KIAA0825: variants seen among roughly 807,000 people sequenced by gnomAD.
KIAA0825 encodes the protein KIAA0825.
A neutral mutation model predicts 147.6 loss-of-function variants in KIAA0825; 119 were observed. The ratio of observed to expected loss-of-function variants is 0.81; its 90% CI spans 0.69 to 0.94. The LOEUF is 0.94. KIAA0825 is among the 40% of genes least tolerant of loss of function. KIAA0825 has a pLI of 0.00. For synonymous variants in KIAA0825, 470 were observed against 518.1 expected (o/e 0.91, Z 1.26); for missense variants, 1,381 against 1,472.7 (o/e 0.94, Z 1.02).
At chr5:94,584,884 T>C (rs899589536) in intron 1 of KIAA0825, among the ~76,000 whole-genome samples, 3 of 152,152 alleles carry the variant, frequency 2.0e-5, no homozygotes, top group African/African-American at 7.2e-5. Flanking sequence ...GGGGCCAAAA[T>C]TCAACATGCT....
intron 5 of KIAA0825, 181 bp downstream of exon 5, chr5:94,520,067 A>G (rs1376583314): frequency 1.8e-6 from 2 of 1,125,902 alleles, no homozygotes; most frequent in African/African-American, 1.6e-5. Context: ...GAAAGAAAAT[A>G]CTTTTATAAC....
chr5:94,457,601 C>T (rs1438444102), intron 12 of KIAA0825, among the ~76,000 whole-genome samples: 2 of 142,770 alleles, frequency 1.4e-5, no homozygotes, highest in East Asian at 4.2e-4. Flanking sequence ...TAGATTCACT[C>T]TCTCTGGGTT....
chr5:94,554,569 A>T (rs1215091112), intron 2 of KIAA0825, among the ~76,000 whole-genome samples: 1 of 151,322 alleles, frequency 6.6e-6, no homozygotes, highest in African/African-American at 2.4e-5. Flanking sequence ...TCAATATTTA[A>T]TTTTTACCAA....
intron 2 of KIAA0825, among the ~76,000 whole-genome samples, chr5:94,554,716 CTA>C (rs70978114): frequency 0.07 from 4,648 of 65,956 alleles, 96 homozygotes; most frequent in Middle Eastern, 0.13. Flanking sequence ...GTTCTGTGTA[CTA>C]TATATATATA....
At chr5:94,155,000 C>G (rs1766902220) in intron 20 of KIAA0825, among the ~76,000 whole-genome samples, 1 of 152,070 alleles carries the variant, frequency 6.6e-6, no homozygotes, top group East Asian at 1.9e-4. Context: ...AGTGCTGATA[C>G]AGTCTAAAAG....
chr5:94,259,161 G>C (rs1216823788), intron 20 of KIAA0825, among the ~76,000 whole-genome samples: 1 of 151,994 alleles, frequency 6.6e-6, no homozygotes, highest in Non-Finnish European at 1.5e-5. Flanking sequence ...TGCAGTTACA[G>C]AACTCATACT....
chr5:94,265,602 C>A (rs1776708201), intron 20 of KIAA0825, among the ~76,000 whole-genome samples: 1 of 152,036 alleles, frequency 6.6e-6, no homozygotes, highest in Admixed American at 6.6e-5. Context: ...AGTTTGAGAC[C>A]AGCCTGGCCA....
rs1482912049 is a variant in KIAA0825, at chr5:94,201,767, G to A, written c.3711-47643C>T. Among the ~76,000 whole-genome samples the A allele has an allele frequency of 5.9e-5, 9 of 152,056 alleles. No individual in the cohort carries two copies. The South Asian group carries it at 8.3e-4, about 14-fold the overall frequency. ...AACTTTATTCAGAACCATTGTGATC[G>A]GTATAGGGACCACTTCAATGGGGTC... On this transcript the variant is annotated intron_variant, in intron 20 of 20. Transcript: ENST00000682413.
chr5:94,410,169 A>G (rs1752565897), intron 15 of KIAA0825, among the ~76,000 whole-genome samples: 1 of 147,384 alleles, frequency 6.8e-6, no homozygotes, highest in Admixed American at 6.8e-5. Context: ...AATTCACCAT[A>G]TAGTCTTAAT....
chr5:94,519,951 A>G, intron 5 of KIAA0825: 1 of 965,624 alleles, frequency 1.0e-6, no homozygotes, highest in Non-Finnish European at 1.3e-6. Flanking sequence ...ATGTGTGTAT[A>G]CACACAGTTT....
At chr5:94,581,138 T>C (rs1782092212) in intron 2 of KIAA0825, among the ~76,000 whole-genome samples, 1 of 151,958 alleles carries the variant, frequency 6.6e-6, no homozygotes, top group African/African-American at 2.4e-5. Flanking sequence ...AAATCAATAG[T>C]GAAACATGTG....
chr5:94,208,571 CA>C (rs1772419030), intron 20 of KIAA0825, among the ~76,000 whole-genome samples: 1 of 152,154 alleles, frequency 6.6e-6, no homozygotes, highest in South Asian at 2.1e-4. Context: ...AACACACAAA[CA>C]AAAGGCTAAG....
intron 20 of KIAA0825, among the ~76,000 whole-genome samples, chr5:94,264,867 C>A (rs1007799247): frequency 6.6e-6 from 1 of 151,412 alleles, no homozygotes; most frequent in African/African-American, 2.4e-5. Context: ...ACTGCAACCT[C>A]TGCCTCCCAG....
intron 20 of KIAA0825, among the ~76,000 whole-genome samples, chr5:94,353,011 C>A (rs1449877816): frequency 6.6e-6 from 1 of 152,092 alleles, no homozygotes; most frequent in Non-Finnish European, 1.5e-5. Flanking sequence ...CAAAATCTCA[C>A]AAATCACTGC....
intron 20 of KIAA0825, among the ~76,000 whole-genome samples, chr5:94,198,702 T>C (rs1199448396): frequency 6.6e-6 from 1 of 152,118 alleles, no homozygotes; most frequent in African/African-American, 2.4e-5. Flanking sequence ...CCATGGCACA[T>C]GTACACCTAT....
At chr5:94,235,595 A>G (rs955994132) in intron 20 of KIAA0825, among the ~76,000 whole-genome samples, 3 of 152,262 alleles carry the variant, frequency 2.0e-5, no homozygotes, top group Non-Finnish European at 2.9e-5. Flanking sequence ...AGGTGGCTAC[A>G]CTAAACAACA....
rs749450467 is a variant in KIAA0825, at chr5:94,520,842, T to C, written c.376A>G (p.Ser126Gly). Residue 126 changes from serine (S) to glycine (G), a missense_variant, in exon 5 of 21, where the codon AGC (serine) becomes GGC (glycine). Coordinates refer to ENST00000682413, the MANE Select transcript of KIAA0825 (RefSeq NM_001145678.3). ...CTTAGGGTTGATGGGAATGAAACGC[T>C]GCTGTGGCAGGAGAGGTCCCAAAGT... ...DLLWDLSCHS[S>G]VSFPSTLSGT... 8 of 1,612,842 alleles carry C rather than the reference T, an allele frequency of 5.0e-6. No individual in the cohort carries two copies. The East Asian group carries it at 1.8e-4, about 36-fold the overall frequency.
chr5:94,262,987 G>A (rs1776571438), intron 20 of KIAA0825, among the ~76,000 whole-genome samples: 1 of 152,050 alleles, frequency 6.6e-6, no homozygotes, highest in Non-Finnish European at 1.5e-5. Flanking sequence ...CCTAGAAATG[G>A]ACACCCAGAA....
At chr5:94,552,714 T>G (rs1425298442) in intron 2 of KIAA0825, among the ~76,000 whole-genome samples, 3 of 152,190 alleles carry the variant, frequency 2.0e-5, no homozygotes, top group Non-Finnish European at 2.9e-5. Context: ...AAATGAAACA[T>G]GGCAACATGG....
Sources: gnomAD v4.1 joint callset for allele counts (sites outside exome capture counted in the v4.1 genomes callset) on GRCh38, gnomAD v4.1.1 for gene constraint, MANE v1.5 for transcripts, NCBI Gene and HGNC (gene_info 2026-07-23, HGNC 2026-07-21) for gene names.